Variants in ZNF487 observed in about 807,000 individuals in gnomAD.
The protein encoded by ZNF487 is zinc finger protein 487, also known as KRAB domain only 1.
ZNF487 carries 4 observed loss-of-function variants against 3.0 expected under a neutral mutation model. That is an observed-to-expected ratio of 1.35 (90% CI 0.66 to 3.08). The LOEUF (loss-of-function observed/expected upper bound fraction) is 3.08. Ranked by LOEUF, ZNF487 falls within the 30% of genes most tolerant of loss-of-function variation. The pLI, the probability that ZNF487 is intolerant of heterozygous loss-of-function variation, is 0.01. For missense variants in ZNF487, 146 were observed against 98.7 expected (o/e 1.48, Z -2.03); for synonymous variants, 55 against 34.6 (o/e 1.59, Z -2.06).
intron 1 of ZNF487, among the ~76,000 whole-genome samples, chr10:43,442,274 A>C (rs1417546020): frequency 1.3e-5 from 2 of 151,010 alleles, no homozygotes; most frequent in African/African-American, 2.5e-5. Context: ...ACAACAAAAA[A>C]AAAACAAAGA....
chr10:43,495,507 G>A, the ZNF487 span, among the ~76,000 whole-genome samples: 38 of 152,262 alleles, frequency 2.5e-4, no homozygotes, highest in Admixed American at 1.1e-3. Context: ...GGCTCTCAAT[G>A]TGTTGGGATT....
At chr10:43,484,334 C>T (rs191774627), downstream of ZNF487, among the ~76,000 whole-genome samples, 65 of 151,958 alleles carry the variant, frequency 4.3e-4, no homozygotes, top group African/African-American at 1.3e-3. Flanking sequence ...GGTCCAGGCG[C>T]GGTGGCTCAC....
intron 1 of ZNF487, among the ~76,000 whole-genome samples, chr10:43,471,428 T>G (rs910163052): frequency 6.6e-6 from 1 of 152,172 alleles, no homozygotes; most frequent in African/African-American, 2.4e-5. Flanking sequence ...TGCAGCTCAG[T>G]TGGCCCCTTG....
intron 1 of ZNF487, among the ~76,000 whole-genome samples, chr10:43,448,617 A>G (rs1839896922): frequency 6.6e-6 from 1 of 151,512 alleles, no homozygotes. Flanking sequence ...GGAGTTTGAG[A>G]CTGACCTGGC....
At chr10:43,442,676 C>A (rs1816574002) in intron 1 of ZNF487, among the ~76,000 whole-genome samples, 2 of 152,146 alleles carry the variant, frequency 1.3e-5, no homozygotes, top group Admixed American at 1.3e-4. Context: ...AACTCCTGAC[C>A]TCGTGATCCA....
the ZNF487 span, among the ~76,000 whole-genome samples, chr10:43,502,497 A>G: frequency 8.5e-4 from 130 of 152,252 alleles, no homozygotes; most frequent in African/African-American, 3.0e-3. Flanking sequence ...CATTGTGCAC[A>G]TGTACCCTAG....
intron 1 of ZNF487, among the ~76,000 whole-genome samples, chr10:43,450,393 C>T (rs1839965401): frequency 6.6e-6 from 1 of 151,194 alleles, no homozygotes; most frequent in Non-Finnish European, 1.5e-5. Flanking sequence ...CACTCTGTTG[C>T]CCAGGCTGGA....
chr10:43,469,541 A>G (rs1433042014), intron 1 of ZNF487, among the ~76,000 whole-genome samples: 2 of 152,104 alleles, frequency 1.3e-5, no homozygotes, highest in African/African-American at 2.4e-5. Flanking sequence ...AGGGTCCCTT[A>G]TGTTGCCCAG....
downstream of ZNF487, among the ~76,000 whole-genome samples, chr10:43,485,777 A>G (rs962922079): frequency 6.6e-6 from 1 of 152,184 alleles, no homozygotes; most frequent in Non-Finnish European, 1.5e-5. Context: ...ACCAAATTGG[A>G]CAGCACTGCT....
At chr10:43,440,059 T>A (rs1751930150) in intron 1 of ZNF487, among the ~76,000 whole-genome samples, 1 of 150,522 alleles carries the variant, frequency 6.6e-6, no homozygotes, top group African/African-American at 2.4e-5. Context: ...TATATATTTT[T>A]TTTTTTGAGG....
intron 1 of ZNF487, among the ~76,000 whole-genome samples, chr10:43,449,366 A>G (rs979096899): frequency 6.6e-6 from 1 of 152,154 alleles, no homozygotes; most frequent in Non-Finnish European, 1.5e-5. Flanking sequence ...ACTGGTATAT[A>G]TTGACATACA....
At chr10:43,516,475 T>C in the ZNF487 span, among the ~76,000 whole-genome samples, 1 of 152,110 alleles carries the variant, frequency 6.6e-6, no homozygotes, top group Non-Finnish European at 1.5e-5. Context: ...ATATGTGTAT[T>C]TGTGTGTGTG....
At position 43,476,135 on chromosome 10, in the gene ZNF487, T is replaced by C; in HGVS notation, c.63T>C (p.Val21=). 1.4e-6 allele frequency: 1 copy of C among 717,498 alleles called. No individual in the cohort carries two copies. The highest frequency in any genetic ancestry group is 2.6e-6 in the Non-Finnish European group (1 of 385,094). 44.4% of individuals were successfully genotyped at this position (717,498 alleles called of 1,614,324 possible). The change falls in exon 3 of 4, where the codon GTT becomes GTC. Residue 21 remains valine (V), a synonymous_variant. Coordinates refer to ENST00000437590, the MANE Select transcript of ZNF487 (RefSeq NM_001355444.3). ...ATTGCATTACCAAACCAGAGGTGGT[T>C]TGCAAGTTGGAGCATGGACAGGTGC... The part of the protein sequence containing the change: ...VGYCITKPEV[V]CKLEHGQVLW...
downstream of ZNF487, among the ~76,000 whole-genome samples, chr10:43,484,635 C>A (rs183595612): frequency 6.6e-6 from 1 of 152,006 alleles, no homozygotes; most frequent in Admixed American, 6.6e-5. Context: ...TTTCTTTATT[C>A]CTTTGCATAG....
chr10:43,454,937 CAAAAA>C (rs58217923), intron 1 of ZNF487, among the ~76,000 whole-genome samples: 2 of 85,424 alleles, frequency 2.3e-5, no homozygotes, highest in South Asian at 9.8e-4. Context: ...GACCTTGTCT[CAAAAA>C]AAAAAAAAAA....
chr10:43,520,775 T>G, the ZNF487 span, among the ~76,000 whole-genome samples: 14 of 152,202 alleles, frequency 9.2e-5, no homozygotes, highest in Admixed American at 9.2e-4. Flanking sequence ...AAAGGCCCAG[T>G]ACCCAAGTGG....
At chr10:43,511,358 C>T in the ZNF487 span, among the ~76,000 whole-genome samples, 2 of 152,120 alleles carry the variant, frequency 1.3e-5, no homozygotes, top group Admixed American at 6.5e-5. Flanking sequence ...GGTTAGAGGA[C>T]GTGCTGTGTG....
the ZNF487 span, among the ~76,000 whole-genome samples, chr10:43,490,499 A>T: frequency 5.9e-4 from 24 of 40,710 alleles, no homozygotes; most frequent in Non-Finnish European, 7.9e-4. Context: ...AAGTAGCTCT[A>T]CTTTTTTTTT....
At chr10:43,472,790 A>G (rs1273297404) in intron 1 of ZNF487, among the ~76,000 whole-genome samples, 1 of 152,084 alleles carries the variant, frequency 6.6e-6, no homozygotes, top group East Asian at 1.9e-4. Flanking sequence ...TTCCTGGAGT[A>G]TGTTTCCTAG....
Sources: allele counts gnomAD v4.1 joint callset (sites outside exome capture counted in the v4.1 genomes callset), GRCh38; gene constraint gnomAD v4.1.1; transcripts MANE v1.5; gene names NCBI Gene and HGNC (gene_info 2026-07-23, HGNC 2026-07-21).